The following RALGAPA1 variants were observed in gnomAD, a reference collection of about 807,000 sequenced individuals.
RALGAPA1 encodes ral GTPase-activating protein subunit alpha-1.
A neutral mutation model predicts 269.6 loss-of-function variants in RALGAPA1; 52 were observed. The observed-to-expected ratio is 0.19, with a 90% CI of 0.15 to 0.24. RALGAPA1 has a LOEUF of 0.24. Ranked by LOEUF, RALGAPA1 falls within the 10% of genes least tolerant of loss-of-function variation. The pLI, the probability that RALGAPA1 is intolerant of heterozygous loss-of-function variation, is 1.00. For missense variants in RALGAPA1, 1,917 were observed against 3,013.9 expected (o/e 0.64, Z 8.52); for synonymous variants, 817 against 1,008.3 (o/e 0.81, Z 3.60).
intron 32 of RALGAPA1, among the ~76,000 whole-genome samples, chr14:35,634,969 C>T (rs560079946): frequency 9.9e-5 from 15 of 152,038 alleles, no homozygotes; most frequent in South Asian, 4.2e-4. Flanking sequence ...ATCAGGAGTT[C>T]CAGACCAGCC....
chr14:35,767,396 C>A (rs903293160), intron 4 of RALGAPA1, among the ~76,000 whole-genome samples: 1 of 151,980 alleles, frequency 6.6e-6, no homozygotes, highest in Non-Finnish European at 1.5e-5. Context: ...CTTAAAAAAA[C>A]TAGAAACAGG....
chr14:35,793,260 G>T (rs1475454115), intron 1 of RALGAPA1, among the ~76,000 whole-genome samples: 1 of 146,746 alleles, frequency 6.8e-6, no homozygotes. Flanking sequence ...TTTTTGAGAC[G>T]GAATTTCACT....
intron 36 of RALGAPA1, among the ~76,000 whole-genome samples, chr14:35,596,023 T>C (rs2058912858): frequency 6.6e-6 from 1 of 152,110 alleles, no homozygotes; most frequent in Non-Finnish European, 1.5e-5. Context: ...TGCTGTGTAC[T>C]ATGCATCTTT....
At chr14:35,771,389 C>T (rs1382665630) in intron 3 of RALGAPA1, among the ~76,000 whole-genome samples, 2 of 151,948 alleles carry the variant, frequency 1.3e-5, no homozygotes, top group East Asian at 1.9e-4. Context: ...AGCAAAACTC[C>T]GTCTCGAAAC....
chr14:35,565,577 G>A (rs896322820), intron 39 of RALGAPA1, among the ~76,000 whole-genome samples: 10 of 151,954 alleles, frequency 6.6e-5, no homozygotes, highest in African/African-American at 1.7e-4. Context: ...ACTCTTCCCC[G>A]AGTCTCCTAC....
intron 39 of RALGAPA1, among the ~76,000 whole-genome samples, chr14:35,550,818 T>C (rs1178894592): frequency 6.6e-6 from 1 of 152,132 alleles, no homozygotes; most frequent in East Asian, 1.9e-4. Context: ...AATTTTACTT[T>C]TGAGGTGGGA....
chr14:35,697,196 T>C (rs553879866), intron 17 of RALGAPA1, among the ~76,000 whole-genome samples: 1 of 152,342 alleles, frequency 6.6e-6, no homozygotes, highest in East Asian at 1.9e-4. Flanking sequence ...CAATGTAAAC[T>C]GGTAGAAGAT....
chr14:35,735,067 G>A (rs769632557), intron 12 of RALGAPA1, among the ~76,000 whole-genome samples: 1 of 151,784 alleles, frequency 6.6e-6, no homozygotes, highest in Non-Finnish European at 1.5e-5. Flanking sequence ...AACACTAGAT[G>A]CTGGCATGGA....
intron 1 of RALGAPA1, among the ~76,000 whole-genome samples, chr14:35,783,044 A>G (rs2075562947): frequency 6.6e-6 from 1 of 152,018 alleles, no homozygotes; most frequent in African/African-American, 2.4e-5. Flanking sequence ...GGCTGGTCTC[A>G]AACTCCCGGA....
At chr14:35,671,280 C>T in intron 26 of RALGAPA1, 109 bp downstream of exon 26, 1 of 951,874 alleles carries the variant, frequency 1.1e-6, no homozygotes, top group Admixed American at 2.9e-5. Context: ...CAATCAATTC[C>T]AATTAAATTG....
chr14:35,806,710 G>A (rs1190993453), intron 1 of RALGAPA1, among the ~76,000 whole-genome samples: 1 of 152,112 alleles, frequency 6.6e-6, no homozygotes, highest in African/African-American at 2.4e-5. Flanking sequence ...TGTGTAACTG[G>A]CAATGCCCAA....
chr14:35,758,245 A>G, intron 6 of RALGAPA1, among the ~76,000 whole-genome samples: 1 of 98,004 alleles, frequency 1.0e-5, no homozygotes. Flanking sequence ...CTCTGTCTCA[A>G]AAAAAAAAAA....
At chr14:35,617,436 G>A (rs546948150) in intron 35 of RALGAPA1, among the ~76,000 whole-genome samples, 2 of 152,208 alleles carry the variant, frequency 1.3e-5, no homozygotes, top group Non-Finnish European at 2.9e-5. Flanking sequence ...TGGCCAATAT[G>A]GTGAAACCCC....
intron 35 of RALGAPA1, among the ~76,000 whole-genome samples, chr14:35,617,890 C>T (rs1012982293): frequency 1.2e-4 from 18 of 151,392 alleles, no homozygotes; most frequent in African/African-American, 4.1e-4. Flanking sequence ...TAAAAAACCA[C>T]AAAAAACTAA....
At chr14:35,683,653 T>C in intron 21 of RALGAPA1, 156 bp downstream of exon 21, 1 of 588,224 alleles carries the variant, frequency 1.7e-6, no homozygotes, top group Non-Finnish European at 2.9e-6. Flanking sequence ...GTCAAGAAAC[T>C]AATGTCTTTT....
chr14:35,768,985 G>A (rs1172266437), intron 4 of RALGAPA1, among the ~76,000 whole-genome samples: 1 of 105,952 alleles, frequency 9.4e-6, no homozygotes, highest in Non-Finnish European at 1.7e-5. Flanking sequence ...TCCAGCCTGG[G>A]CAACAAGGGC....
rs17764173 is a variant in RALGAPA1, at chr14:35,751,107, A to G, written c.803-417T>C. 8.7e-3 allele frequency among the ~76,000 whole-genome samples: 1,323 copies of G among 152,278 alleles called. 12 individuals are homozygous for G. The highest frequency in any genetic ancestry group is 0.015 in the Non-Finnish European group (996 of 68,020). On this transcript the variant is annotated intron_variant, in intron 8 of 41. Coordinates refer to ENST00000680220, the MANE Select transcript of RALGAPA1 (RefSeq NM_001346249.2). ...GGAACATCTTTCTGGGAAAGAGACA[A>G]TTTACCTACGGACTACCAATACCTT...
chr14:35,600,209 CTTT>C (rs1267667649), intron 36 of RALGAPA1, among the ~76,000 whole-genome samples: 1 of 134,882 alleles, frequency 7.4e-6, no homozygotes, highest in African/African-American at 3.0e-5. Context: ...TTTTCTTTTC[CTTT>C]TTTTTCTTTT....
intron 1 of RALGAPA1, among the ~76,000 whole-genome samples, chr14:35,804,289 G>A (rs907101366): frequency 2.7e-5 from 4 of 147,438 alleles, no homozygotes; most frequent in Admixed American, 6.8e-5. Flanking sequence ...TGTGAATAAC[G>A]GCTGGGCGCG....
Sources: allele counts gnomAD v4.1 joint callset (sites outside exome capture counted in the v4.1 genomes callset), GRCh38; gene constraint gnomAD v4.1.1; transcripts MANE v1.5; gene names NCBI Gene and HGNC (gene_info 2026-07-23, HGNC 2026-07-21).